UBIAD1: variants seen among roughly 807,000 people sequenced by gnomAD.
The protein encoded by UBIAD1 is UbiA prenyltransferase domain containing 1, also known as ubiA prenyltransferase domain-containing protein 1.
UBIAD1 carries 12 observed loss-of-function variants against 20.1 expected under a neutral mutation model. The ratio of observed to expected loss-of-function variants is 0.60; its 90% confidence interval spans 0.38 to 0.97. UBIAD1 has a LOEUF of 0.97. UBIAD1 is among the 50% of genes least tolerant of loss of function. UBIAD1 has a pLI of 0.00. For synonymous variants in UBIAD1, 207 were observed against 189.2 expected (o/e 1.09, Z -0.77); for missense variants, 333 against 419.5 (o/e 0.79, Z 1.80).
In UBIAD1 at chr1:11,285,601, C is replaced by T; in HGVS notation, c.530-43C>T. 1 of 1,613,596 alleles carries T rather than the reference C, an allele frequency of 6.2e-7. No homozygotes were observed. Among genetic ancestry groups the T allele is most frequent in the South Asian group, 1.1e-5 (1 of 91,034 alleles). ...CACTGGTGAACAGTCCCTAAATTTC[C>T]AGCCTTGGTCTCACACCAACTCTCT... On this transcript the variant is annotated intron_variant, in intron 1 of 1. Coordinates refer to ENST00000376810, the MANE Select transcript of UBIAD1 (RefSeq NM_013319.3). The surrounding 1 kb of genome is among the most constrained non-coding windows in gnomAD (Gnocchi z 4.4).
chr1:11,278,457 A>G (rs1396849816), intron 1 of UBIAD1, among the ~76,000 whole-genome samples: 1 of 152,236 alleles, frequency 6.6e-6, no homozygotes. Context: ...ATGGGTGTAC[A>G]TATATTAAAT....
rs1638270198 is a variant in UBIAD1 at position 11,286,796 on chromosome 1, A to G, written c.*665A>G. ...TACCCTGCAGCAAGACAAGCCAAGG[A>G]CTGGGAGGGAAAAAAAAACCACTCT... On this transcript the variant is annotated 3_prime_UTR_variant, in exon 2 of 2. Transcript: ENST00000376810. 1 of 153,576 alleles carries G rather than the reference A, an allele frequency of 6.5e-6. No homozygotes were observed. Among genetic ancestry groups the G allele is most frequent in the Admixed American group, 6.4e-5 (1 of 15,554 alleles). The allele number at this position is 153,576 out of a possible 1,614,324, so 9.5% of individuals were successfully genotyped here.
chr1:11,296,768 C>T (rs1440421667), downstream of UBIAD1, among the ~76,000 whole-genome samples: 1 of 152,228 alleles, frequency 6.6e-6, no homozygotes, highest in Admixed American at 6.5e-5. Flanking sequence ...AATCCGCCCG[C>T]CTCAGCCTCC....
chr1:11,296,496 C>T (rs1638449917), downstream of UBIAD1, among the ~76,000 whole-genome samples: 2 of 152,074 alleles, frequency 1.3e-5, no homozygotes, highest in Admixed American at 6.5e-5. Flanking sequence ...GAGTAGTAGG[C>T]ACTTCATAAA....
chr1:11,298,779 C>G (rs1015087408), downstream of UBIAD1, among the ~76,000 whole-genome samples: 1 of 152,054 alleles, frequency 6.6e-6, no homozygotes, highest in African/African-American at 2.4e-5. This position sits in a 1 kb window ranked among gnomAD's most constrained non-coding sequence, Gnocchi z 4.0. Flanking sequence ...AATGTCTAGA[C>G]AAGCAGTCTC....
intron 1 of UBIAD1, among the ~76,000 whole-genome samples, chr1:11,274,276 A>G (rs1433374813): frequency 1.3e-5 from 2 of 152,208 alleles, no homozygotes; most frequent in Non-Finnish European, 2.9e-5. Flanking sequence ...AAAATTTTAT[A>G]TGGACATTTA....
intron 1 of UBIAD1, among the ~76,000 whole-genome samples, chr1:11,280,369 A>C (rs1293148043): frequency 1.3e-5 from 2 of 152,154 alleles, no homozygotes; most frequent in Admixed American, 6.6e-5. Context: ...TCCAGGGCTC[A>C]GTCCTTGGGC....
At chr1:11,294,368 C>T (rs1638413538) in intron 1 of UBIAD1, among the ~76,000 whole-genome samples, 1 of 152,142 alleles carries the variant, frequency 6.6e-6, no homozygotes, top group Non-Finnish European at 1.5e-5. Flanking sequence ...AGGCTGGTCT[C>T]AAACTCCTGG....
rs1638267930 is a variant in UBIAD1, at chr1:11,286,704, T to C, written c.*573T>C. ...TGTGGCTGTCAGCTTTTTGCCTAAA[T>C]TGTGATTCAGATGCTTTTGTTCTCT... On this transcript the variant is annotated 3_prime_UTR_variant, in exon 2 of 2. Coordinates refer to ENST00000376810, the MANE Select transcript of UBIAD1 (RefSeq NM_013319.3). The C allele has an allele frequency of 6.3e-6, 1 of 159,320 alleles. No individual in the cohort carries two copies. Among genetic ancestry groups the C allele is most frequent in the South Asian group, 1.8e-4 (1 of 5,614 alleles). 9.9% of individuals were successfully genotyped at this position (159,320 alleles called of 1,614,324 possible).
Position 11,273,729 on chromosome 1 carries a change from C to T in UBIAD1, c.198C>T (p.Ala66=). 6.2e-7 allele frequency: 1 copy of T among 1,614,116 alleles called. No individual in the cohort carries two copies. Among genetic ancestry groups the T allele is most frequent in the Non-Finnish European group, 8.5e-7 (1 of 1,180,016 alleles). The change falls in exon 1 of 2, where the codon GCC becomes GCT. Residue 66 remains alanine, a synonymous_variant. Coordinates refer to ENST00000376810, the MANE Select transcript of UBIAD1 (RefSeq NM_013319.3). This position sits in a 1 kb window ranked among gnomAD's most constrained non-coding sequence, Gnocchi z 4.9. ...TCAGTGCCTCACTCACACCGGTGGCCCTGGGCAGTGCCCTTGCCTACAGAT... is the reference window on the plus strand; with the variant it reads ...TCAGTGCCTCACTCACACCGGTGGCTCTGGGCAGTGCCCTTGCCTACAGAT... ...WSFSASLTPV[A]LGSALAYRSH...
chr1:11,279,272 C>A, intron 1 of UBIAD1: 1 of 225,206 alleles, frequency 4.4e-6, no homozygotes. Flanking sequence ...CATACCATTG[C>A]CTATCAATAG....
At chr1:11,284,715 T>C (rs1638220567) in intron 1 of UBIAD1, among the ~76,000 whole-genome samples, 1 of 152,138 alleles carries the variant, frequency 6.6e-6, no homozygotes, top group African/African-American at 2.4e-5. Context: ...CTGCCCGCCT[T>C]GGCCTCCCAG....
chr1:11,288,856 G>A (rs536103807), downstream of UBIAD1, among the ~76,000 whole-genome samples: 1 of 152,178 alleles, frequency 6.6e-6, no homozygotes, highest in East Asian at 1.9e-4. Context: ...AGGCTGCAGT[G>A]AGGTATGATC....
intron 1 of UBIAD1, among the ~76,000 whole-genome samples, chr1:11,276,591 T>C (rs974616459): frequency 6.7e-6 from 1 of 148,348 alleles, no homozygotes; most frequent in Non-Finnish European, 1.5e-5. Flanking sequence ...TTGAGCCCAG[T>C]AGGCAGAGGT....
chr1:11,276,344 A>G (rs1333794263), intron 1 of UBIAD1, among the ~76,000 whole-genome samples: 1 of 151,836 alleles, frequency 6.6e-6, no homozygotes, highest in Non-Finnish European at 1.5e-5. Flanking sequence ...TTTCTTGGAC[A>G]CATTCCACAT....
chr1:11,288,599 C>T (rs762404133), downstream of UBIAD1, among the ~76,000 whole-genome samples: 3 of 152,196 alleles, frequency 2.0e-5, no homozygotes, highest in East Asian at 1.9e-4. Context: ...TGACCAGATT[C>T]GACAGGCCTT....
At chr1:11,296,520 G>T (rs373540282), downstream of UBIAD1, among the ~76,000 whole-genome samples, 1 of 152,002 alleles carries the variant, frequency 6.6e-6, no homozygotes, top group African/African-American at 2.4e-5. Context: ...AGTTCCCCCT[G>T]TCCCCCCCTT....
At chr1:11,284,456 T>C (rs1387049555) in intron 1 of UBIAD1, among the ~76,000 whole-genome samples, 4 of 151,928 alleles carry the variant, frequency 2.6e-5, no homozygotes, top group Non-Finnish European at 4.4e-5. Flanking sequence ...GTCAGATTCC[T>C]TTATTTATTT....
At chr1:11,295,096 A>T in exon 2 of UBIAD1, 7 of 587,066 alleles carry the variant, frequency 1.2e-5, no homozygotes, top group East Asian at 3.0e-5. Flanking sequence ...CTTCGGGTTC[A>T]GTGTGCTGTG....
Sources: allele counts gnomAD v4.1 joint callset (sites outside exome capture counted in the v4.1 genomes callset), GRCh38; gene constraint gnomAD v4.1.1; non-coding constraint Gnocchi (gnomAD v3.1); transcripts MANE v1.5; gene names NCBI Gene and HGNC (gene_info 2026-07-23, HGNC 2026-07-21).